TJP1: variants seen among roughly 807,000 people sequenced by gnomAD.
The protein encoded by TJP1 is tight junction protein 1, also known as tight junction protein ZO-1.
TJP1 carries 43 observed loss-of-function variants against 194.2 expected under a neutral mutation model. The ratio of observed to expected loss-of-function variants is 0.22; its 90% confidence interval spans 0.17 to 0.29. The LOEUF (loss-of-function observed/expected upper bound fraction) is 0.29. TJP1 is among the 10% of genes least tolerant of loss of function. TJP1 has a pLI of 1.00. For synonymous variants in TJP1, 801 were observed against 779.0 expected, an observed-to-expected ratio of 1.03 and a Z score of -0.47; for missense variants, 1,971 against 2,185.7, an observed-to-expected ratio of 0.90 and a Z score of 1.96.
intron 15 of TJP1, among the ~76,000 whole-genome samples, chr15:29,731,479 T>G (rs1483883414): frequency 6.6e-6 from 1 of 152,198 alleles, no homozygotes; most frequent in Non-Finnish European, 1.5e-5. Flanking sequence ...AAAAGAGCAG[T>G]GGTTCCATTT....
intron 2 of TJP1, among the ~76,000 whole-genome samples, chr15:29,774,130 C>T (rs938911190): frequency 2.0e-5 from 3 of 152,022 alleles, no homozygotes. Flanking sequence ...TTTCTTAAGG[C>T]TACAGAATCA....
intron 2 of TJP1, among the ~76,000 whole-genome samples, chr15:29,842,422 G>A (rs983092451): frequency 1.7e-5 from 2 of 117,800 alleles, no homozygotes; most frequent in Admixed American, 9.8e-5. Flanking sequence ...TGCAAGGAGG[G>A]AACCAACCCT....
chr15:29,890,017 G>A (rs772846229), intron 2 of TJP1, among the ~76,000 whole-genome samples: 3 of 151,914 alleles, frequency 2.0e-5, no homozygotes, highest in African/African-American at 4.8e-5. Flanking sequence ...TGCCTTTCCC[G>A]CCAGCTTCAC....
At chr15:29,860,211 T>C (rs1443498807) in intron 2 of TJP1, among the ~76,000 whole-genome samples, 1 of 151,848 alleles carries the variant, frequency 6.6e-6, no homozygotes, top group Non-Finnish European at 1.5e-5. Flanking sequence ...GACTCAGGAG[T>C]AAGCGCTTTC....
rs1470153875 is a variant in TJP1, at chr15:29,762,406, C to T, written c.622G>A (p.Val208Ile). The T allele has an allele frequency of 1.2e-6, 2 of 1,613,578 alleles. No homozygotes were observed. The highest frequency in any genetic ancestry group is 1.1e-5 in the South Asian group (1 of 91,050). Residue 208 changes from valine (V) to isoleucine (I), a missense_variant, in exon 6 of 28, where the codon GTT becomes ATT. Transcript: ENST00000614355. ...AAACTATCTTGTGAAATTTCCTTAA[C>T]AAATATATGGCTTGCCAATCGAAGA... ...YGLRLASHIF[V>I]KEISQDSLAA...
At chr15:29,742,525 G>A in intron 9 of TJP1, 117 bp downstream of exon 9, 1 of 1,235,922 alleles carries the variant, frequency 8.1e-7, no homozygotes, top group Non-Finnish European at 1.1e-6. Flanking sequence ...GTCATATGCA[G>A]ACAAATTCAC....
chr15:29,730,071 A>T (rs1004390601), intron 15 of TJP1, among the ~76,000 whole-genome samples: 1 of 152,198 alleles, frequency 6.6e-6, no homozygotes, highest in Non-Finnish European at 1.5e-5. Context: ...CTGAACCAAA[A>T]ATTGCAGGAT....
intron 2 of TJP1, among the ~76,000 whole-genome samples, chr15:29,951,310 G>A (rs774976956): frequency 5.0e-4 from 76 of 152,012 alleles, no homozygotes; most frequent in Non-Finnish European, 3.2e-4. Context: ...TGGGATTATA[G>A]GTGCCCGCTA....
At chr15:29,742,414 G>A (rs902336347) in intron 9 of TJP1, among the ~76,000 whole-genome samples, 1 of 152,160 alleles carries the variant, frequency 6.6e-6, no homozygotes, top group Non-Finnish European at 1.5e-5. Flanking sequence ...ATTGCAAGAA[G>A]TTGTTAATGA....
intron 4 of TJP1, among the ~76,000 whole-genome samples, chr15:29,771,327 C>G (rs2046659657): frequency 6.6e-6 from 1 of 152,092 alleles, no homozygotes; most frequent in Admixed American, 6.5e-5. Context: ...TGTTAGTGAA[C>G]TGAATACTGT....
chr15:29,880,695 T>C (rs1003174483), intron 2 of TJP1, among the ~76,000 whole-genome samples: 27 of 152,238 alleles, frequency 1.8e-4, no homozygotes, highest in Admixed American at 1.4e-3. Flanking sequence ...AGTTATGCAA[T>C]ATTTGTCCTG....
chr15:29,708,196 C>CAAAA (rs770746842), intron 25 of TJP1, among the ~76,000 whole-genome samples: 2 of 63,542 alleles, frequency 3.1e-5, no homozygotes, highest in African/African-American at 4.9e-5. Flanking sequence ...ACTCTTGTCT[C>CAAAA]AAAAAAAAAA....
rs71103416 is a variant in TJP1 at position 29,912,695 on chromosome 15, C to CAAAA, written c.306+43533_306+43536dup. 3.3e-3 allele frequency among the ~76,000 whole-genome samples: 214 copies of CAAAA among 64,964 alleles called. 9 individuals are homozygous for CAAAA. Among genetic ancestry groups the CAAAA allele is most frequent in the African/African-American group, 7.8e-3 (89 of 11,458 alleles). The allele number at this position is 64,964 out of a possible 152,430, so 42.6% of individuals were successfully genotyped here. ...TGGGAGACAGAGCAAGACTCTGTCTCAAAAAAAAAAAAAAAAAAAAAAAAA... is the reference window on the plus strand; with the variant it reads ...TGGGAGACAGAGCAAGACTCTGTCTCAAAAAAAAAAAAAAAAAAAAAAAAAAAAA... On this transcript the variant is annotated intron_variant, in intron 2 of 28. Transcript: ENST00000356107.
intron 2 of TJP1, among the ~76,000 whole-genome samples, chr15:29,926,479 G>A (rs932393165): frequency 1.3e-5 from 2 of 152,076 alleles, no homozygotes; most frequent in Non-Finnish European, 2.9e-5. Context: ...GGACATAGTG[G>A]AGCATGCCTG....
intron 8 of TJP1, among the ~76,000 whole-genome samples, chr15:29,753,832 A>C (rs535966377): frequency 1.8e-4 from 27 of 152,182 alleles, no homozygotes; most frequent in African/African-American, 5.5e-4. Context: ...GAAAAAAAAA[A>C]AAAAAACAAA....
At chr15:29,901,102 A>G (rs183271101) in intron 2 of TJP1, among the ~76,000 whole-genome samples, 94 of 152,262 alleles carry the variant, frequency 6.2e-4, no homozygotes, top group Middle Eastern at 6.8e-3. Flanking sequence ...CAAGAAGAAA[A>G]TCGATGAGAA....
chr15:29,735,733 T>G (rs2043987288), intron 11 of TJP1, among the ~76,000 whole-genome samples: 1 of 152,178 alleles, frequency 6.6e-6, no homozygotes, highest in Non-Finnish European at 1.5e-5. Flanking sequence ...TATTTAAATG[T>G]TTTTGACCTA....
At chr15:29,965,884 T>C (rs900814521) in intron 1 of TJP1, among the ~76,000 whole-genome samples, 1 of 152,162 alleles carries the variant, frequency 6.6e-6, no homozygotes, top group African/African-American at 2.4e-5. Flanking sequence ...AAGTTAACAA[T>C]GAGTGGAAAT....
chr15:29,830,029 T>TA (rs945757680), intron 2 of TJP1, among the ~76,000 whole-genome samples: 17 of 149,924 alleles, frequency 1.1e-4, no homozygotes, highest in African/African-American at 2.2e-4. Context: ...CAATGAAATT[T>TA]AAAAAAAAAG....
Sources: allele counts gnomAD v4.1 joint callset (sites outside exome capture counted in the v4.1 genomes callset), GRCh38; gene constraint gnomAD v4.1.1; transcripts MANE v1.5; gene names NCBI Gene and HGNC (gene_info 2026-07-23, HGNC 2026-07-21).